MAN1A1: variants seen among roughly 807,000 people sequenced by gnomAD.
The protein encoded by MAN1A1 is mannosyl-oligosaccharide 1,2-alpha-mannosidase IA.
In MAN1A1, 29 loss-of-function variants were observed where a neutral mutation model predicts 70.8. That is an observed-to-expected ratio of 0.41 (90% confidence interval 0.31 to 0.56). MAN1A1 has a LOEUF of 0.56. Among genes scored for constraint, MAN1A1 ranks in the 20% least tolerant of loss-of-function variants. The pLI, the probability that MAN1A1 is intolerant of heterozygous loss-of-function variation, is 0.29. For synonymous variants in MAN1A1, 349 were observed against 330.1 expected, an observed-to-expected ratio of 1.06 and a Z score of -0.62; for missense variants, 747 against 841.3, an observed-to-expected ratio of 0.89 and a Z score of 1.39.
intron 5 of MAN1A1, among the ~76,000 whole-genome samples, chr6:119,256,957 A>G (rs974347950): frequency 2.6e-5 from 4 of 152,244 alleles, no homozygotes; most frequent in African/African-American, 9.6e-5. Flanking sequence ...CCATATAAGC[A>G]TAAGATATAC....
intron 5 of MAN1A1, among the ~76,000 whole-genome samples, chr6:119,280,454 T>C (rs1446802744): frequency 6.6e-6 from 1 of 152,254 alleles, no homozygotes; most frequent in Admixed American, 6.5e-5. Context: ...TGTGTTTCTC[T>C]TATTCACTGT....
intron 6 of MAN1A1, among the ~76,000 whole-genome samples, chr6:119,231,096 G>A (rs73767287): frequency 2.4e-4 from 37 of 152,308 alleles, no homozygotes; most frequent in African/African-American, 8.7e-4. Context: ...GTTACAGAGT[G>A]CAGTGCCTAC....
At chr6:119,320,286 A>C (rs1333847433) in intron 2 of MAN1A1, among the ~76,000 whole-genome samples, 1 of 152,148 alleles carries the variant, frequency 6.6e-6, no homozygotes, top group African/African-American at 2.4e-5. Flanking sequence ...TCTTCTCTTA[A>C]GGATGGGTCA....
chr6:119,318,582 G>A (rs1401180153), intron 2 of MAN1A1, among the ~76,000 whole-genome samples: 1 of 152,180 alleles, frequency 6.6e-6, no homozygotes, highest in Admixed American at 6.5e-5. Flanking sequence ...TTATGTTTAA[G>A]AGTGAGGCTT....
intron 4 of MAN1A1, among the ~76,000 whole-genome samples, chr6:119,298,888 G>A (rs945856258): frequency 8.5e-5 from 13 of 152,086 alleles, no homozygotes; most frequent in East Asian, 5.8e-4. Flanking sequence ...GAGCCACTGC[G>A]CCTGGCCAAC....
At chr6:119,289,589 G>A (rs747511621) in intron 5 of MAN1A1, among the ~76,000 whole-genome samples, 1 of 151,798 alleles carries the variant, frequency 6.6e-6, no homozygotes, top group African/African-American at 2.4e-5. Flanking sequence ...GGCTGAGAAG[G>A]TAACAGAGTT....
intron 2 of MAN1A1, among the ~76,000 whole-genome samples, chr6:119,345,768 G>A (rs546293281): frequency 2.6e-5 from 4 of 152,268 alleles, no homozygotes; most frequent in African/African-American, 9.6e-5. Context: ...TATAAGTGTT[G>A]GTGCATTCAG....
At chr6:119,228,196 T>A (rs570649142) in intron 6 of MAN1A1, among the ~76,000 whole-genome samples, 1 of 152,322 alleles carries the variant, frequency 6.6e-6, no homozygotes, top group East Asian at 1.9e-4. Flanking sequence ...TATTGATTGT[T>A]CACCAGCATA....
intron 6 of MAN1A1, among the ~76,000 whole-genome samples, chr6:119,206,347 G>A (rs1387280000): frequency 6.6e-6 from 1 of 152,168 alleles, no homozygotes; most frequent in Admixed American, 6.5e-5. Flanking sequence ...ATCAGTCACA[G>A]CTCTGGGTAA....
At chr6:119,308,430 T>A (rs1161206314) in intron 2 of MAN1A1, among the ~76,000 whole-genome samples, 2 of 152,114 alleles carry the variant, frequency 1.3e-5, no homozygotes, top group Non-Finnish European at 2.9e-5. Context: ...GATTTGAGGG[T>A]CACATGACTT....
chr6:119,276,061 C>T (rs1776055181), intron 5 of MAN1A1, among the ~76,000 whole-genome samples: 1 of 152,196 alleles, frequency 6.6e-6, no homozygotes, highest in African/African-American at 2.4e-5. Context: ...TTCTCTTCTT[C>T]TTCATTCCAA....
chr6:119,196,428 G>C (rs932337), intron 8 of MAN1A1, among the ~76,000 whole-genome samples: 42,369 of 151,738 alleles, frequency 0.28, 6,574 homozygotes, highest in East Asian at 0.55. Flanking sequence ...ATGGCTGTTT[G>C]TCAACACAGT....
At chr6:119,350,580 G>C, upstream of MAN1A1, 1 of 984,052 alleles carries the variant, frequency 1.0e-6, no homozygotes, top group Non-Finnish European at 1.2e-6. Flanking sequence ...TGCTGCGGTA[G>C]CTTCAAGCAA....
At chr6:119,315,793 A>G (rs987816464) in intron 2 of MAN1A1, among the ~76,000 whole-genome samples, 1 of 152,216 alleles carries the variant, frequency 6.6e-6, no homozygotes, top group Non-Finnish European at 1.5e-5. Flanking sequence ...ACAGTTTGGC[A>G]TCAGCTTAGG....
intron 6 of MAN1A1, among the ~76,000 whole-genome samples, chr6:119,217,672 A>C (rs758943914): frequency 1.1e-4 from 17 of 152,246 alleles, no homozygotes; most frequent in Non-Finnish European, 2.2e-4. Flanking sequence ...AATTAAAAAA[A>C]TTTACACAAG....
intron 11 of MAN1A1, among the ~76,000 whole-genome samples, chr6:119,182,967 T>C (rs1291030781): frequency 2.0e-5 from 3 of 152,146 alleles, no homozygotes; most frequent in Admixed American, 6.5e-5. Context: ...AAACCTTCTC[T>C]GGCTAGAAAG....
intron 6 of MAN1A1, among the ~76,000 whole-genome samples, chr6:119,241,926 GTGTATGTGTGTGTGTGTA>G (rs1331455238): frequency 3.9e-4 from 56 of 144,736 alleles, no homozygotes; most frequent in Admixed American, 1.7e-3. Context: ...GTGTGTGTTT[GTGTATGTGTGTGTGTGTA>G]TGTATGTGTG....
chr6:119,276,874 T>G (rs1343090651), intron 5 of MAN1A1, among the ~76,000 whole-genome samples: 1 of 152,180 alleles, frequency 6.6e-6, no homozygotes, highest in Non-Finnish European at 1.5e-5. Flanking sequence ...GACAATCTCT[T>G]CTGCTTATCT....
At chr6:119,315,636 A>T (rs987235969) in intron 2 of MAN1A1, among the ~76,000 whole-genome samples, 3 of 152,228 alleles carry the variant, frequency 2.0e-5, no homozygotes, top group African/African-American at 4.8e-5. Context: ...ACCAAAATAT[A>T]AGTCCATTTC....
Sources: allele counts gnomAD v4.1 joint callset (sites outside exome capture counted in the v4.1 genomes callset), GRCh38; gene constraint gnomAD v4.1.1; transcripts MANE v1.5; gene names NCBI Gene and HGNC (gene_info 2026-07-23, HGNC 2026-07-21).